The following ATP8B4 variants were observed in gnomAD, a reference collection of about 807,000 sequenced individuals.
ATP8B4 encodes ATPase phospholipid transporting 8B4 (putative), also known as probable phospholipid-transporting ATPase IM.
ATP8B4 carries 133 observed loss-of-function variants against 145.6 expected under a neutral mutation model. The observed-to-expected ratio is 0.91, with a 90% confidence interval of 0.79 to 1.05. ATP8B4 has a LOEUF of 1.05. ATP8B4 is among the 50% of genes least tolerant of loss of function. The pLI is 0.00. For missense variants in ATP8B4, 1,458 were observed against 1,425.2 expected (o/e 1.02, Z -0.37); for synonymous variants, 507 against 492.9 (o/e 1.03, Z -0.38).
chr15:49,977,638 G>C (rs1410290979), intron 12 of ATP8B4, among the ~76,000 whole-genome samples: 1 of 151,664 alleles, frequency 6.6e-6, no homozygotes, highest in South Asian at 2.1e-4. Flanking sequence ...AAATATAAAA[G>C]GCTAAAAAAA....
At chr15:50,135,823 A>G (rs2044114441) in intron 1 of ATP8B4, among the ~76,000 whole-genome samples, 1 of 152,192 alleles carries the variant, frequency 6.6e-6, no homozygotes, top group Non-Finnish European at 1.5e-5. Flanking sequence ...TTTCTATCCA[A>G]TTAAGGGAAC....
intron 20 of ATP8B4, among the ~76,000 whole-genome samples, chr15:49,901,450 A>G (rs2038022161): frequency 6.6e-6 from 1 of 152,220 alleles, no homozygotes; most frequent in Non-Finnish European, 1.5e-5. Context: ...GAGAGTAAAC[A>G]TAATGAAAAT....
intron 18 of ATP8B4, 36 bp from the exon 19 acceptor site, chr15:49,918,986 C>T (rs761153964): frequency 7.0e-6 from 10 of 1,425,596 alleles, no homozygotes; most frequent in East Asian, 2.3e-5. Context: ...TATGTTAATG[C>T]ATGCAAACAA....
intron 6 of ATP8B4, among the ~76,000 whole-genome samples, chr15:50,013,341 T>A (rs183497556): frequency 6.6e-6 from 1 of 152,264 alleles, no homozygotes; most frequent in African/African-American, 2.4e-5. Context: ...CCTTTTGGGC[T>A]GTGAAGGTGA....
chr15:50,110,431 G>A (rs1009357952), intron 1 of ATP8B4, among the ~76,000 whole-genome samples: 6 of 152,104 alleles, frequency 3.9e-5, no homozygotes, highest in Admixed American at 1.3e-4. Context: ...ACTGACACTC[G>A]CTCCACCTCT....
chr15:49,888,877 CAGA>C (rs564617361), intron 23 of ATP8B4, among the ~76,000 whole-genome samples: 51 of 152,162 alleles, frequency 3.4e-4, no homozygotes, highest in Admixed American at 2.9e-3. Context: ...CGTTTGCCAG[CAGA>C]AGGTGTCCTC....
intron 20 of ATP8B4, among the ~76,000 whole-genome samples, chr15:49,908,596 G>C (rs1427614649): frequency 3.3e-5 from 5 of 152,132 alleles, no homozygotes; most frequent in African/African-American, 4.8e-5. Flanking sequence ...ACAAGGCAGT[G>C]CCATTGCCCC....
intron 1 of ATP8B4, among the ~76,000 whole-genome samples, chr15:50,143,144 CTG>C (rs2044234575): frequency 6.6e-6 from 1 of 152,190 alleles, no homozygotes; most frequent in African/African-American, 2.4e-5. Flanking sequence ...GCTGCCAAAA[CTG>C]TGCCATCAGA....
intron 5 of ATP8B4, among the ~76,000 whole-genome samples, chr15:50,043,373 A>C (rs2051455982): frequency 1.3e-5 from 2 of 152,198 alleles, no homozygotes; most frequent in Non-Finnish European, 2.9e-5. Flanking sequence ...ACCCTTGAAC[A>C]ACATAAATTT....
At chr15:50,143,480 A>C (rs1595642572) in intron 1 of ATP8B4, among the ~76,000 whole-genome samples, 1 of 152,238 alleles carries the variant, frequency 6.6e-6, no homozygotes, top group African/African-American at 2.4e-5. Flanking sequence ...GCTCTCCTCA[A>C]AGTGAGTGAT....
intron 3 of ATP8B4, among the ~76,000 whole-genome samples, chr15:50,053,620 G>A (rs2052358839): frequency 1.3e-5 from 2 of 152,114 alleles, no homozygotes; most frequent in East Asian, 3.8e-4. Context: ...AAAGCTCAAT[G>A]CAGACAAATA....
At chr15:50,041,885 A>T (rs542615473) in intron 5 of ATP8B4, among the ~76,000 whole-genome samples, 2 of 152,294 alleles carry the variant, frequency 1.3e-5, no homozygotes, top group East Asian at 3.9e-4. Context: ...GGTTGCAGTG[A>T]GCCAAGATTG....
At chr15:50,020,125 T>C (rs2153580119) in intron 6 of ATP8B4, among the ~76,000 whole-genome samples, 1 of 151,968 alleles carries the variant, frequency 6.6e-6, no homozygotes. Flanking sequence ...TGGCTAATTT[T>C]TATATTTTTA....
intron 27 of ATP8B4, 109 bp downstream of exon 27, chr15:49,862,136 C>T (rs1290631939): frequency 9.4e-6 from 13 of 1,378,450 alleles, no homozygotes; most frequent in Non-Finnish European, 3.0e-6. Flanking sequence ...TAGGTGTTTG[C>T]TTGTGACAAT....
chr15:50,159,613 G>A (rs2044484953), intron 1 of ATP8B4, among the ~76,000 whole-genome samples: 1 of 152,134 alleles, frequency 6.6e-6, no homozygotes, highest in African/African-American at 2.4e-5. Flanking sequence ...ACTCAGTTAT[G>A]TGTCAGTATG....
chr15:50,157,626 T>C (rs2044439133), intron 1 of ATP8B4, among the ~76,000 whole-genome samples: 1 of 147,708 alleles, frequency 6.8e-6, no homozygotes, highest in African/African-American at 2.4e-5. Flanking sequence ...AATTTTAGGA[T>C]TTTTTTTTCT....
In ATP8B4 at chr15:49,915,154, A is replaced by G. The variant is rs770277776; in HGVS notation, c.2141+1780T>C. Among the ~76,000 whole-genome samples the G allele has an allele frequency of 5.9e-5, 9 of 152,146 alleles. No homozygotes were observed. In the South Asian group the frequency reaches 1.4e-3, roughly 24 times the overall value. ...CATCAAAAAAGAATGAAATCCTACCATTTTAAGCAACATGAATGGAACCAC... is the reference window on the plus strand; with the variant it reads ...CATCAAAAAAGAATGAAATCCTACCGTTTTAAGCAACATGAATGGAACCAC... On this transcript the variant is annotated intron_variant, in intron 20 of 27. Transcript: ENST00000284509.
At chr15:50,011,560 T>C (rs983534086) in intron 6 of ATP8B4, among the ~76,000 whole-genome samples, 2 of 152,134 alleles carry the variant, frequency 1.3e-5, no homozygotes, top group Non-Finnish European at 2.9e-5. Context: ...GTGCAGGTCA[T>C]GTATATGATG....
intron 3 of ATP8B4, 66 bp downstream of exon 3, chr15:50,074,061 C>A: frequency 7.1e-7 from 1 of 1,406,996 alleles, no homozygotes; most frequent in Non-Finnish European, 9.9e-7. Context: ...TTCTAGAAGA[C>A]ATGCATCCCA....
Sources: allele counts gnomAD v4.1 joint callset (sites outside exome capture counted in the v4.1 genomes callset), GRCh38; gene constraint gnomAD v4.1.1; transcripts MANE v1.5; gene names NCBI Gene and HGNC (gene_info 2026-07-23, HGNC 2026-07-21).